The following WDR33 variants were observed in gnomAD, a reference collection of about 807,000 sequenced individuals.
WDR33 encodes the protein WD repeat domain 33.
In WDR33, 47 loss-of-function variants were observed where a neutral mutation model predicts 164.9. That is an observed-to-expected ratio of 0.29 (90% confidence interval 0.23 to 0.36). WDR33 has a LOEUF of 0.36. Among genes scored for constraint, WDR33 ranks in the 10% least tolerant of loss-of-function variants. The pLI, the probability that WDR33 is intolerant of heterozygous loss-of-function variation, is 1.00. For synonymous variants in WDR33, 505 were observed against 589.0 expected (o/e 0.86, Z 2.06); for missense variants, 1,137 against 1,754.1 (o/e 0.65, Z 6.28).
rs1338606602 is a variant in WDR33 at position 127,764,636 on chromosome 2, G to T, written c.626+192C>A. On this transcript the variant is annotated intron_variant, in intron 6 of 21. Transcript: ENST00000322313. This position sits in a 1 kb window ranked among gnomAD's most constrained non-coding sequence, Gnocchi z 6.2. ...AACATATTGCAAAGGCTGATACCGG[G>T]ACAACACTACTTCAGAAAGGTGCCA... 1 of 1,557,242 alleles carries T rather than the reference G, an allele frequency of 6.4e-7. No individual in the cohort carries two copies. The highest frequency in any genetic ancestry group is 8.7e-7 in the Non-Finnish European group (1 of 1,149,640).
At chr2:127,736,828 T>C in intron 7 of WDR33, 2 of 985,444 alleles carry the variant, frequency 2.0e-6, no homozygotes, top group African/African-American at 3.5e-5. Context: ...ATCAGGCTGC[T>C]GTTAAACTCT....
chr2:127,791,774 T>C (rs1385452492), intron 1 of WDR33, among the ~76,000 whole-genome samples: 1 of 152,186 alleles, frequency 6.6e-6, no homozygotes, highest in Non-Finnish European at 1.5e-5. Context: ...TTAAGTGAAA[T>C]TGTCTTTTTT....
In WDR33 at chr2:127,717,311, TAC is replaced by T. The variant is rs1686325484; in HGVS notation, c.2761-50_2761-49del. ...AGGGTATGAAATCACAGGCTTGAGC[TAC>T]ATAAATAGTGATTGCATTATAACAT... On this transcript the variant is annotated intron_variant, in intron 16 of 21. Coordinates refer to ENST00000322313, the MANE Select transcript of WDR33 (RefSeq NM_018383.5). This position sits in a 1 kb window ranked among gnomAD's most constrained non-coding sequence, Gnocchi z 5.6. 6 of 1,454,104 alleles carry T rather than the reference TAC, an allele frequency of 4.1e-6. No individual in the cohort carries two copies. Among genetic ancestry groups the T allele is most frequent in the African/African-American group, 1.4e-5 (1 of 69,322 alleles). 90.1% of individuals were successfully genotyped at this position (1,454,104 alleles called of 1,614,324 possible). A position where few individuals can be genotyped will look rare whatever the true frequency, so the allele number is the denominator to read the frequency against.
intron 7 of WDR33, among the ~76,000 whole-genome samples, chr2:127,759,787 T>C (rs1687624014): frequency 6.6e-6 from 1 of 152,072 alleles, no homozygotes; most frequent in African/African-American, 2.4e-5. Context: ...CACAGTATAA[T>C]CCTAGCACTT....
intron 7 of WDR33, among the ~76,000 whole-genome samples, chr2:127,730,346 A>G (rs1295261376): frequency 6.6e-6 from 1 of 152,186 alleles, no homozygotes; most frequent in Non-Finnish European, 1.5e-5. Flanking sequence ...CTGAATTTTC[A>G]GTAAAGTGAA....
At chr2:127,746,746 C>CTTT (rs1687179174) in intron 7 of WDR33, among the ~76,000 whole-genome samples, 2 of 152,186 alleles carry the variant, frequency 1.3e-5, no homozygotes, top group Admixed American at 6.5e-5. Context: ...TTTGGAGCAG[C>CTTT]TAAAGAGGAG....
At chr2:127,767,790 A>AT (rs1480120879) in intron 4 of WDR33, among the ~76,000 whole-genome samples, 2 of 152,224 alleles carry the variant, frequency 1.3e-5, no homozygotes, top group African/African-American at 4.8e-5. Context: ...TAGAGCTAAA[A>AT]ATTACGGTAC....
Position 127,710,610 on chromosome 2 carries a change from G to A in WDR33, c.3309-754C>T, listed in dbSNP as rs568447747. Among the ~76,000 whole-genome samples, 1 of 152,244 alleles carries A rather than the reference G, an allele frequency of 6.6e-6. No individual in the cohort carries two copies. Among genetic ancestry groups the A allele is most frequent in the African/African-American group, 2.4e-5 (1 of 41,518 alleles). On this transcript the variant is annotated intron_variant, in intron 18 of 21. Coordinates refer to ENST00000322313, the MANE Select transcript of WDR33 (RefSeq NM_018383.5). The surrounding 1 kb of genome is among the most constrained non-coding windows in gnomAD (Gnocchi z 4.4). ...TTCCCCTTCTCTCAGGAATTTTGGAGCCAGGAGACTACACTGACTGGGAGT... is the reference window on the plus strand; with the variant it reads ...TTCCCCTTCTCTCAGGAATTTTGGAACCAGGAGACTACACTGACTGGGAGT...
In WDR33 at chr2:127,726,567, A is replaced by G; in HGVS notation, c.851+84T>C. ...CTAAATGACTCTTCCAGAAATACAT[A>G]AGAGAAAACAAAGCTAAAAGTTAAA... is the stretch of plus-strand genomic sequence containing the variant. On this transcript the variant is annotated intron_variant, in intron 8 of 21. Coordinates refer to ENST00000322313, the MANE Select transcript of WDR33 (RefSeq NM_018383.5). The surrounding 1 kb of genome is among the most constrained non-coding windows in gnomAD (Gnocchi z 4.8). 1 of 1,537,736 alleles carries G rather than the reference A, an allele frequency of 6.5e-7. No individual in the cohort carries two copies. Among genetic ancestry groups the G allele is most frequent in the Non-Finnish European group, 8.8e-7 (1 of 1,142,518 alleles).
Position 127,738,645 on chromosome 2 carries a change from T to C in WDR33, c.725-11868A>G, listed in dbSNP as rs560927039. On this transcript the variant is annotated intron_variant, in intron 7 of 21. Coordinates refer to ENST00000322313, the MANE Select transcript of WDR33 (RefSeq NM_018383.5). This position sits in a 1 kb window ranked among gnomAD's most constrained non-coding sequence, Gnocchi z 4.4. The stretch of plus-strand genomic sequence containing the variant: ...GGTATGATGAAAATGGCACTTTACC[T>C]GTGTGATCTTCCTCTCAAAAACCGA... Among the ~76,000 whole-genome samples, 1 of 152,294 alleles carries C rather than the reference T, an allele frequency of 6.6e-6. No individual in the cohort carries two copies. The highest frequency in any genetic ancestry group is 2.4e-5 in the African/African-American group (1 of 41,556).
intron 18 of WDR33, among the ~76,000 whole-genome samples, chr2:127,711,755 T>C (rs898011415): frequency 1.3e-5 from 1 of 74,228 alleles, no homozygotes; most frequent in Non-Finnish European, 2.3e-5. Context: ...TATACAGATA[T>C]ATATATATAT....
rs1558913526 is a variant in WDR33, at chr2:127,701,171, TA to T, written c.*5151del. 1 of 181,038 alleles carries T rather than the reference TA, an allele frequency of 5.5e-6. No individual in the cohort carries two copies. The highest frequency in any genetic ancestry group is 2.3e-5 in the African/African-American group (1 of 42,598). 11.2% of individuals were successfully genotyped at this position (181,038 alleles called of 1,614,324 possible). On this transcript the variant is annotated 3_prime_UTR_variant, in exon 22 of 22. Transcript: ENST00000322313. ...CGCCACGGTAGACGCAGTGAGGCCA[TA>T]AGACATTTCCGTCAGCAAAAGGGTC... is the stretch of plus-strand genomic sequence containing the variant.
chr2:127,736,138 G>A, intron 7 of WDR33: 2 of 985,372 alleles, frequency 2.0e-6, no homozygotes, highest in South Asian at 9.4e-5. Context: ...TTACAAATCT[G>A]TGGGAGAATT....
Position 127,809,935 on chromosome 2 carries a change from A to G in WDR33, c.-24+1077T>C, listed in dbSNP as rs182306528. On this transcript the variant is annotated intron_variant, in intron 1 of 21. Transcript: ENST00000322313. ...CTTACAGTAATAAAAAATGGGTAAA[A>G]TGCAATTAAGGCGAGGAAATGAAAA... 2.0e-5 allele frequency among the ~76,000 whole-genome samples: 3 copies of G among 152,322 alleles called. No individual in the cohort carries two copies. In the East Asian group the frequency reaches 5.8e-4, roughly 29 times the overall value.
intron 1 of WDR33, among the ~76,000 whole-genome samples, chr2:127,794,821 G>A (rs1688969662): frequency 7.5e-6 from 1 of 132,762 alleles, no homozygotes; most frequent in East Asian, 2.2e-4. Context: ...GCGACAAAGC[G>A]AGACTCCGTT....
At chr2:127,754,808 T>C (rs886418862) in intron 7 of WDR33, among the ~76,000 whole-genome samples, 1 of 152,158 alleles carries the variant, frequency 6.6e-6, no homozygotes, top group African/African-American at 2.4e-5. Flanking sequence ...CCCTATATTC[T>C]AGGCCTATAT....
chr2:127,774,747 G>A (rs1573441628), intron 1 of WDR33, among the ~76,000 whole-genome samples: 3 of 151,948 alleles, frequency 2.0e-5, no homozygotes, highest in Non-Finnish European at 2.9e-5. Flanking sequence ...GGAGAATGGC[G>A]TGAACCCGGG....
intron 7 of WDR33, among the ~76,000 whole-genome samples, chr2:127,750,745 C>CATATATATATGTATGCATACAT (rs3991688): frequency 5.1e-5 from 4 of 78,206 alleles, no homozygotes; most frequent in Non-Finnish European, 9.1e-5. Context: ...TGTATGCATA[C>CATATATATATGTATGCATACAT]ATATATATGT....
chr2:127,743,570 T>G (rs1244355404), intron 7 of WDR33, among the ~76,000 whole-genome samples: 1 of 151,270 alleles, frequency 6.6e-6, no homozygotes, highest in East Asian at 1.9e-4. Flanking sequence ...GTAGCCATAA[T>G]TCAAGAACAG....
Sources: gnomAD v4.1 joint callset for allele counts (sites outside exome capture counted in the v4.1 genomes callset) on GRCh38, gnomAD v4.1.1 for gene constraint, Gnocchi (gnomAD v3.1) non-coding constraint, MANE v1.5 for transcripts, NCBI Gene and HGNC (gene_info 2026-07-23, HGNC 2026-07-21) for gene names.